SMURF2: variants seen among roughly 807,000 people sequenced by gnomAD.
SMURF2 encodes the protein E3 ubiquitin-protein ligase SMURF2.
Under a neutral mutation model 109.6 loss-of-function variants are expected in SMURF2, and 48 were observed. The ratio of observed to expected loss-of-function variants is 0.44; its 90% CI spans 0.35 to 0.56. SMURF2 has a LOEUF of 0.56. Among genes scored for constraint, SMURF2 ranks in the 20% least tolerant of loss-of-function variants. The probability of loss-of-function intolerance (pLI) is 0.01; values close to 1 mark genes in which losing one functional copy is unlikely to be tolerated. For synonymous variants in SMURF2, 288 were observed against 317.1 expected, an observed-to-expected ratio of 0.91 and a Z score of 0.97; for missense variants, 575 against 909.0, an observed-to-expected ratio of 0.63 and a Z score of 4.72.
intron 1 of SMURF2, among the ~76,000 whole-genome samples, chr17:64,653,705 TA>T (rs1970668493): frequency 6.6e-6 from 1 of 152,102 alleles, no homozygotes; most frequent in Non-Finnish European, 1.5e-5. Context: ...AGCAGATTTT[TA>T]AAAAGTTAAA....
Position 64,598,385 on chromosome 17 carries a change from T to TA in SMURF2, c.196_197insT (p.Asp66ValfsTer8), listed in dbSNP as rs1555688257. The TA allele has an allele frequency of 6.3e-7, 1 of 1,597,162 alleles. No homozygotes were observed. Among genetic ancestry groups the TA allele is most frequent in the Admixed American group, 1.7e-5 (1 of 58,410 alleles). ...CAAACTAATTGTTGAAACCTACAGG[T>TA]CATAATGCTGATTCCACTTTGGATC... On this transcript the variant is annotated frameshift_variant, in exon 3 of 19. Coordinates refer to ENST00000262435, the MANE Select transcript of SMURF2 (RefSeq NM_022739.4). LOFTEE classifies it high-confidence loss of function.
intron 16 of SMURF2, among the ~76,000 whole-genome samples, chr17:64,549,993 C>A (rs1418588772): frequency 6.6e-6 from 1 of 152,196 alleles, no homozygotes; most frequent in Non-Finnish European, 1.5e-5. Flanking sequence ...ATAAAAGACA[C>A]CTCCTAAATT....
intron 1 of SMURF2, among the ~76,000 whole-genome samples, chr17:64,616,264 A>G (rs1970119154): frequency 6.6e-6 from 1 of 152,168 alleles, no homozygotes; most frequent in African/African-American, 2.4e-5. Flanking sequence ...GTGTACACCA[A>G]CCACCCTGTG....
intron 12 of SMURF2, among the ~76,000 whole-genome samples, chr17:64,558,412 G>T (rs1048552399): frequency 6.6e-6 from 1 of 151,442 alleles, no homozygotes; most frequent in Admixed American, 6.6e-5. Flanking sequence ...AAAAAAAAAA[G>T]TCCACGTCAT....
intron 2 of SMURF2, among the ~76,000 whole-genome samples, chr17:64,603,036 G>A (rs7208916): frequency 0.088 from 13,244 of 151,276 alleles, 1,307 homozygotes; most frequent in African/African-American, 0.24. Flanking sequence ...TTGAAAAGCT[G>A]CAAATAATAA....
At chr17:64,646,070 ATT>A (rs1276463311) in intron 1 of SMURF2, among the ~76,000 whole-genome samples, 1 of 145,294 alleles carries the variant, frequency 6.9e-6, no homozygotes. Context: ...ATTTCTTATA[ATT>A]TTTTTTTTTT....
intron 1 of SMURF2, among the ~76,000 whole-genome samples, chr17:64,629,621 T>C (rs1193820949): frequency 6.6e-6 from 1 of 152,166 alleles, no homozygotes; most frequent in African/African-American, 2.4e-5. Context: ...ATCAGAAGAT[T>C]TTAGAAACTT....
At chr17:64,613,627 T>C (rs989273118) in intron 1 of SMURF2, among the ~76,000 whole-genome samples, 32 of 149,160 alleles carry the variant, frequency 2.1e-4, no homozygotes, top group African/African-American at 7.2e-4. Context: ...CCCAACCTTT[T>C]TGGCACCAGG....
intron 1 of SMURF2, among the ~76,000 whole-genome samples, chr17:64,607,158 T>C (rs1969981793): frequency 6.6e-6 from 1 of 151,484 alleles, no homozygotes; most frequent in South Asian, 2.1e-4. Flanking sequence ...TTCTCCTAAA[T>C]CATCAGTTAA....
intron 12 of SMURF2, among the ~76,000 whole-genome samples, chr17:64,560,346 T>C (rs76572958): frequency 0.028 from 4,194 of 152,260 alleles, 188 homozygotes; most frequent in African/African-American, 0.095. Flanking sequence ...GAGTAAGTAA[T>C]ACAAATTCCA....
intron 11 of SMURF2, among the ~76,000 whole-genome samples, chr17:64,562,012 A>G (rs1416829603): frequency 6.9e-6 from 1 of 145,760 alleles, no homozygotes; most frequent in Non-Finnish European, 1.5e-5. Flanking sequence ...TTTAAAAAAG[A>G]GGCCAGGTGC....
At chr17:64,598,067 C>G (rs1344030022) in intron 3 of SMURF2, among the ~76,000 whole-genome samples, 3 of 152,034 alleles carry the variant, frequency 2.0e-5, no homozygotes, top group African/African-American at 7.2e-5. Context: ...TCAGTGCAAC[C>G]CAAATCCTTA....
intron 10 of SMURF2, among the ~76,000 whole-genome samples, chr17:64,567,071 T>A (rs1555685091): frequency 6.6e-6 from 1 of 151,332 alleles, no homozygotes; most frequent in Non-Finnish European, 1.5e-5. Flanking sequence ...TTGGCCAGGC[T>A]GATCTCCAAC....
At chr17:64,607,061 AGTTT>A (rs1448994353) in intron 1 of SMURF2, among the ~76,000 whole-genome samples, 1 of 149,796 alleles carries the variant, frequency 6.7e-6, no homozygotes, top group Admixed American at 6.8e-5. Flanking sequence ...GATATAGATG[AGTTT>A]TTTTTCTTTT....
At chr17:64,661,673 T>A (rs1304828552) in intron 1 of SMURF2, among the ~76,000 whole-genome samples, 156 bp downstream of exon 1, 1 of 151,788 alleles carries the variant, frequency 6.6e-6, no homozygotes, top group East Asian at 1.9e-4. Flanking sequence ...CCAGAGCAAG[T>A]GGTTTTCCAA....
At chr17:64,624,860 T>C (rs1420714209) in intron 1 of SMURF2, among the ~76,000 whole-genome samples, 1 of 151,986 alleles carries the variant, frequency 6.6e-6, no homozygotes, top group Non-Finnish European at 1.5e-5. Flanking sequence ...AAGAAAATAG[T>C]ATTGCCTCAA....
rs143406890 is a variant in SMURF2 at position 64,547,732 on chromosome 17, T to C, written c.1939A>G (p.Thr647Ala). The change falls in exon 17 of 19, where the codon ACA (threonine) becomes GCA (alanine). Residue 647 changes from threonine to alanine, a missense_variant. Physicochemically the swap from Thr to Ala is moderately conservative, Grantham distance 58. This residue lies in a region of SMURF2 where 361 missense variants were observed against 612.1 expected (regional missense o/e 0.59). Coordinates refer to ENST00000262435, the MANE Select transcript of SMURF2 (RefSeq NM_022739.4). This position sits in a 1 kb window ranked among gnomAD's most constrained non-coding sequence, Gnocchi z 4.2. ...WKVNTRLKHC[T>A]PDSNIVKWFW... Reference sequence around the variant, plus strand: ...CATTTGACAATGTTGCTGTCTGGTGTACAGTGTTTTAACCGGGTGTTTACC... The same window carrying C: ...CATTTGACAATGTTGCTGTCTGGTGCACAGTGTTTTAACCGGGTGTTTACC... 6.2e-7 allele frequency: 1 copy of C among 1,614,242 alleles called. No individual in the cohort carries two copies. Among genetic ancestry groups the C allele is most frequent in the Non-Finnish European group, 8.5e-7 (1 of 1,180,046 alleles).
intron 10 of SMURF2, among the ~76,000 whole-genome samples, chr17:64,564,582 A>G (rs1280193791): frequency 6.6e-6 from 1 of 152,190 alleles, no homozygotes; most frequent in Non-Finnish European, 1.5e-5. Flanking sequence ...CCAAAAACTG[A>G]TGTCTTTATA....
At chr17:64,609,695 T>C (rs1377665351) in intron 1 of SMURF2, among the ~76,000 whole-genome samples, 1 of 130,626 alleles carries the variant, frequency 7.7e-6, no homozygotes, top group Non-Finnish European at 1.5e-5. Flanking sequence ...GGCAATACCA[T>C]TCAGGACACA....
Sources: allele counts gnomAD v4.1 joint callset (sites outside exome capture counted in the v4.1 genomes callset), GRCh38; gene constraint gnomAD v4.1.1; regional missense constraint gnomAD v4.1.1; non-coding constraint Gnocchi (gnomAD v3.1); transcripts MANE v1.5; gene names NCBI Gene and HGNC (gene_info 2026-07-23, HGNC 2026-07-21).